The following SMARCAD1 variants were observed in gnomAD, a reference collection of about 807,000 sequenced individuals.
SMARCAD1 encodes the protein SWI/SNF-related matrix-associated actin-dependent regulator of chromatin subfamily A containing DEAD/H box 1.
A neutral mutation model predicts 127.1 loss-of-function variants in SMARCAD1; 25 were observed. The observed-to-expected ratio is 0.20, with a 90% CI of 0.14 to 0.27. The LOEUF is 0.27. SMARCAD1 is among the 10% of genes least tolerant of loss of function. SMARCAD1 has a pLI of 1.00. For synonymous variants in SMARCAD1, 400 were observed against 396.9 expected, an observed-to-expected ratio of 1.01 and a Z score of -0.09; for missense variants, 807 against 1,206.0, an observed-to-expected ratio of 0.67 and a Z score of 4.90.
chr4:94,222,167 A>G lies in SMARCAD1; in HGVS notation c.191-3952A>G, dbSNP rs1223528027. Among the ~76,000 whole-genome samples, 3 of 152,276 alleles carry G rather than the reference A, an allele frequency of 2.0e-5. No individual in the cohort carries two copies. The East Asian group carries it at 5.8e-4, about 29-fold the overall frequency. ...GCAAGAAGAGATGAGTCAGCTACCC[A>G]TTTCTGAAACTACAATTTCTCCAGT... On this transcript the variant is annotated intron_variant, in intron 2 of 23. Transcript: ENST00000354268.
At chr4:94,253,265 T>C in intron 9 of SMARCAD1, 1 of 1,460,694 alleles carries the variant, frequency 6.8e-7, no homozygotes, top group South Asian at 1.2e-5. Context: ...TTCCTTTGCA[T>C]AGAAACTTCG....
chr4:94,270,657 G>A lies in SMARCAD1; in HGVS notation c.1482-71G>A, dbSNP rs947642117. On this transcript the variant is annotated intron_variant, in intron 10 of 23. Transcript: ENST00000354268. ...GACCTAGGCATTTTAGTTTTTATGT[G>A]CATTGTAATAACTAATAGAAAACTG... 8.3e-6 allele frequency: 11 copies of A among 1,322,166 alleles called. No homozygotes were observed. In the African/African-American group the frequency reaches 1.0e-4, roughly 12 times the overall value. 81.9% of individuals were successfully genotyped at this position (1,322,166 alleles called of 1,614,324 possible).
In SMARCAD1 at chr4:94,289,557, TTGA is replaced by T. The variant is rs778363583; in HGVS notation, c.*27_*29del. On this transcript the variant is annotated 3_prime_UTR_variant, in exon 24 of 24. Coordinates refer to ENST00000354268, the MANE Select transcript of SMARCAD1 (RefSeq NM_020159.5). The stretch of plus-strand genomic sequence containing the variant: ...TGAAATAAGAACTGTGAACTCTCAA[TTGA>T]TGAGGAAATATCAACTTGGTGCACT... The T allele has an allele frequency of 1.3e-6, 2 of 1,588,132 alleles. No individual in the cohort carries two copies. The highest frequency in any genetic ancestry group is 1.7e-6 in the Non-Finnish European group (2 of 1,156,466).
chr4:94,220,322 G>A (rs1166317053), intron 2 of SMARCAD1, among the ~76,000 whole-genome samples: 8 of 151,844 alleles, frequency 5.3e-5, no homozygotes, highest in South Asian at 2.1e-4. Context: ...ATCTTGGCTC[G>A]CTGCAACCTC....
At chr4:94,242,503 A>G (rs1363598213) in intron 6 of SMARCAD1, among the ~76,000 whole-genome samples, 1 of 152,142 alleles carries the variant, frequency 6.6e-6, no homozygotes, top group Admixed American at 6.5e-5. Context: ...ATGGGCAACA[A>G]GATGTACTGC....
chr4:94,214,853 T>C (rs1427367708), intron 2 of SMARCAD1, among the ~76,000 whole-genome samples: 1 of 152,204 alleles, frequency 6.6e-6, no homozygotes, highest in East Asian at 1.9e-4. Flanking sequence ...TGGTTGCCTT[T>C]TCAAGGTGGT....
intron 10 of SMARCAD1, chr4:94,270,435 T>A (rs1752394738): frequency 3.2e-6 from 1 of 307,846 alleles, no homozygotes; most frequent in Non-Finnish European, 6.2e-6. Flanking sequence ...AATATTATCA[T>A]AGTTAATATT....
chr4:94,230,601 A>AC (rs1224648848), intron 3 of SMARCAD1, among the ~76,000 whole-genome samples: 2 of 152,210 alleles, frequency 1.3e-5, no homozygotes, highest in East Asian at 3.9e-4. Context: ...CTCTGACCTC[A>AC]CCCCAGCAGA....
At chr4:94,256,466 G>A (rs7442254) in intron 9 of SMARCAD1, among the ~76,000 whole-genome samples, 57,030 of 151,948 alleles carry the variant, frequency 0.38, 11,787 homozygotes, top group East Asian at 0.71. Flanking sequence ...GGGTTCAAGC[G>A]ATTCTCCTGC....
At chr4:94,269,439 G>A (rs995604408) in intron 10 of SMARCAD1, among the ~76,000 whole-genome samples, 1 of 151,360 alleles carries the variant, frequency 6.6e-6, no homozygotes, top group Non-Finnish European at 1.5e-5. Context: ...TCGACATCCT[G>A]AATTAAAATC....
chr4:94,218,443 T>A (rs1317527302), intron 2 of SMARCAD1, among the ~76,000 whole-genome samples: 1 of 151,836 alleles, frequency 6.6e-6, no homozygotes, highest in Non-Finnish European at 1.5e-5. Context: ...CAGGCATGCA[T>A]CACGACGCCC....
At chr4:94,274,089 C>T (rs142678140) in intron 12 of SMARCAD1, among the ~76,000 whole-genome samples, 3 of 152,180 alleles carry the variant, frequency 2.0e-5, no homozygotes, top group Admixed American at 6.5e-5. Flanking sequence ...TTTCTCAATT[C>T]GTTGGATGTA....
chr4:94,225,843 G>A (rs1036034928), intron 2 of SMARCAD1, among the ~76,000 whole-genome samples: 3 of 152,142 alleles, frequency 2.0e-5, no homozygotes, highest in African/African-American at 4.8e-5. Context: ...GTGCTACAAA[G>A]TAAAAGTACA....
rs537374310 is a variant in SMARCAD1 at position 94,228,904 on chromosome 4, T to C, written c.368+2608T>C. On this transcript the variant is annotated intron_variant, in intron 3 of 23. Transcript: ENST00000354268. The stretch of plus-strand genomic sequence containing the variant: ...ACCTTTGAAGATAATAGGCCAGGTT[T>C]TTTTAGAATTTTTCTAAATTTGGGT... 1.7e-3 allele frequency among the ~76,000 whole-genome samples: 255 copies of C among 152,300 alleles called. 1 individual carries two copies. The highest frequency in any genetic ancestry group is 8.3e-3 in the South Asian group (40 of 4,824).
Position 94,208,548 on chromosome 4 carries a change from G to C in SMARCAD1, c.154G>C (p.Ala52Pro). The C allele has an allele frequency of 6.2e-7, 1 of 1,614,028 alleles. No individual in the cohort carries two copies. Residue 52 changes from alanine (A) to proline (P), a missense_variant, in exon 2 of 24, where the codon GCA (alanine) becomes CCA (proline). Coordinates refer to ENST00000354268, the MANE Select transcript of SMARCAD1 (RefSeq NM_020159.5). ...EENAEGEVSR[A>P]NTPDSDITEK... ...GAATGCTGAAGGGGAAGTTAGCAGG[G>C]CAAACACTCCTGATTCAGATATAAC...
chr4:94,270,634 C>T, intron 10 of SMARCAD1, 94 bp from the exon 11 acceptor site: 2 of 1,009,932 alleles, frequency 2.0e-6, no homozygotes, highest in Non-Finnish European at 3.1e-6. Flanking sequence ...TAAGATTAGA[C>T]CTAGGCATTT....
chr4:94,241,841 T>C (rs941227671), intron 6 of SMARCAD1, among the ~76,000 whole-genome samples: 2 of 152,140 alleles, frequency 1.3e-5, no homozygotes, highest in Non-Finnish European at 2.9e-5. Context: ...TCAAGCCCAG[T>C]TGCCATGGCC....
rs1755595097 is a variant in SMARCAD1 at position 94,290,874 on chromosome 4, A to G, written c.*1340A>G. 2.2e-6 allele frequency: 1 copy of G among 452,926 alleles called. No individual in the cohort carries two copies. Among genetic ancestry groups the G allele is most frequent in the Non-Finnish European group, 4.4e-6 (1 of 226,154 alleles). The allele number at this position is 452,926 out of a possible 1,614,324, so 28.1% of individuals were successfully genotyped here. ...TTTCAAAGCATCCTAACTTGCTAAG[A>G]TGCTAGGTAGTACGACCCTCTGGAT... is the stretch of plus-strand genomic sequence containing the variant. On this transcript the variant is annotated 3_prime_UTR_variant, in exon 24 of 24. Transcript: ENST00000354268.
chr4:94,251,282 T>G (rs1261200564), intron 8 of SMARCAD1, among the ~76,000 whole-genome samples: 1 of 152,156 alleles, frequency 6.6e-6, no homozygotes, highest in Non-Finnish European at 1.5e-5. Context: ...TGGAACACTC[T>G]TAATTCTAGG....
Sources: gnomAD v4.1 joint callset for allele counts (sites outside exome capture counted in the v4.1 genomes callset) on GRCh38, gnomAD v4.1.1 for gene constraint, MANE v1.5 for transcripts, NCBI Gene and HGNC (gene_info 2026-07-23, HGNC 2026-07-21) for gene names.